EIF4G3: variants seen among roughly 807,000 people sequenced by gnomAD.
The protein encoded by EIF4G3 is eukaryotic translation initiation factor 4 gamma 3.
In EIF4G3, 34 loss-of-function variants were observed where a neutral mutation model predicts 186.4. The ratio of observed to expected loss-of-function variants is 0.18; its 90% CI spans 0.14 to 0.24. The LOEUF is 0.24. EIF4G3 is among the 10% of genes least tolerant of loss of function. The pLI is 1.00. For missense variants in EIF4G3, 1,536 were observed against 1,948.5 expected (o/e 0.79, Z 3.99); for synonymous variants, 673 against 679.5 (o/e 0.99, Z 0.15).
intron 5 of EIF4G3, among the ~76,000 whole-genome samples, chr1:21,002,072 A>T (rs2083660031): frequency 6.6e-6 from 1 of 152,232 alleles, no homozygotes; most frequent in African/African-American, 2.4e-5. Flanking sequence ...AGCTGAAGCC[A>T]CTGTATACTT....
At chr1:21,049,310 T>A (rs1263875405) in intron 4 of EIF4G3, among the ~76,000 whole-genome samples, 1 of 152,214 alleles carries the variant, frequency 6.6e-6, no homozygotes, top group South Asian at 2.1e-4. Context: ...TATCTGAGCC[T>A]CTACTCAGCC....
intron 18 of EIF4G3, among the ~76,000 whole-genome samples, chr1:20,890,022 G>A (rs1056216044): frequency 1.1e-4 from 16 of 151,896 alleles, no homozygotes; most frequent in Admixed American, 9.8e-4. Flanking sequence ...ACCCAGGCTG[G>A]AGTGCAGTGG....
intron 36 of EIF4G3, among the ~76,000 whole-genome samples, chr1:20,809,740 T>TG (rs1180638421): frequency 2.6e-5 from 4 of 152,170 alleles, no homozygotes; most frequent in Non-Finnish European, 5.9e-5. Flanking sequence ...ATGGAAGCTA[T>TG]TAGTCAAACA....
intron 12 of EIF4G3, among the ~76,000 whole-genome samples, chr1:20,963,621 A>G (rs538719236): frequency 6.8e-4 from 103 of 152,310 alleles, no homozygotes; most frequent in African/African-American, 2.3e-3. Flanking sequence ...GAAAAAGAGT[A>G]TATCAAGGAA....
chr1:21,058,870 A>T (rs1401468379), intron 3 of EIF4G3, among the ~76,000 whole-genome samples: 2 of 151,440 alleles, frequency 1.3e-5, no homozygotes, highest in Non-Finnish European at 2.9e-5. Context: ...CACCTGGCCA[A>T]ACTTTCTATA....
intron 6 of EIF4G3, chr1:20,999,232 A>G (rs1290143421): frequency 3.7e-6 from 1 of 270,176 alleles, no homozygotes; most frequent in African/African-American, 2.3e-5. Context: ...GCTAATCAAT[A>G]TAATATAGTT....
chr1:21,134,416 C>T lies in EIF4G3; in HGVS notation c.-272+41759G>A, dbSNP rs181581589. The stretch of plus-strand genomic sequence containing the variant: ...AGGTGTGGTGGCTCACACCTATAAT[C>T]CCAACACTTTGGAGGGCCAAGGCAG... On this transcript the variant is annotated intron_variant, in intron 2 of 36. Transcript: ENST00000602326. 4.0e-4 allele frequency among the ~76,000 whole-genome samples: 61 copies of T among 152,238 alleles called. 1 individual carries two copies. Among genetic ancestry groups the T allele is most frequent in the African/African-American group, 1.5e-3 (61 of 41,552 alleles).
chr1:21,118,595 A>C (rs1266736049), intron 2 of EIF4G3, among the ~76,000 whole-genome samples: 1 of 151,974 alleles, frequency 6.6e-6, no homozygotes, highest in Non-Finnish European at 1.5e-5. Flanking sequence ...AGACCAGCCT[A>C]GCCAACATGG....
At chr1:20,849,584 TAGTG>T in intron 28 of EIF4G3, 54 bp from the exon 29 acceptor site, 1 of 782,476 alleles carries the variant, frequency 1.3e-6, no homozygotes, top group African/African-American at 1.8e-5. Context: ...ACTATTAAAA[TAGTG>T]AGATTATGGT....
rs749232617 is a variant in EIF4G3, at chr1:20,950,131, A to G, written c.715-20T>C. ...CAGCTGCTGGGATTTGAAGTACAAA[A>G]AAGGGTGATAATGAGCGTGCGAACA... is the stretch of plus-strand genomic sequence containing the variant. On this transcript the variant is annotated intron_variant, in intron 12 of 36. Coordinates refer to ENST00000602326, the MANE Select transcript of EIF4G3 (RefSeq NM_001391906.1). 6.4e-7 allele frequency: 1 copy of G among 1,551,510 alleles called. No individual in the cohort carries two copies. Among genetic ancestry groups the G allele is most frequent in the Admixed American group, 2.1e-5 (1 of 47,446 alleles).
At chr1:20,828,220 C>A (rs1298619763) in intron 31 of EIF4G3, among the ~76,000 whole-genome samples, 2 of 151,888 alleles carry the variant, frequency 1.3e-5, no homozygotes, top group African/African-American at 4.8e-5. Context: ...TTAGTAGAGA[C>A]AGGGTTTCAC....
intron 19 of EIF4G3, among the ~76,000 whole-genome samples, chr1:20,885,092 C>T (rs2083681962): frequency 6.6e-6 from 1 of 152,188 alleles, no homozygotes; most frequent in Admixed American, 6.5e-5. Context: ...ACTGATCTGA[C>T]AGGAGGCGGA....
chr1:20,827,102 G>C (rs1244326674), intron 32 of EIF4G3, among the ~76,000 whole-genome samples: 2 of 152,148 alleles, frequency 1.3e-5, no homozygotes, highest in South Asian at 4.1e-4. Context: ...TCATTTCTGA[G>C]TTCTGTTTTG....
At chr1:21,115,969 T>C (rs1020013129) in intron 2 of EIF4G3, among the ~76,000 whole-genome samples, 28 of 152,034 alleles carry the variant, frequency 1.8e-4, no homozygotes, top group African/African-American at 6.3e-4. Flanking sequence ...ACCAATCCTC[T>C]TGCCTCAGCC....
chr1:21,116,564 G>A (rs1267539188), intron 2 of EIF4G3, among the ~76,000 whole-genome samples: 5 of 151,904 alleles, frequency 3.3e-5, no homozygotes, highest in African/African-American at 1.2e-4. Context: ...CAGGCCAGGC[G>A]CGGCGGCTCA....
intron 3 of EIF4G3, among the ~76,000 whole-genome samples, chr1:21,052,920 TC>T (rs2094324610): frequency 6.6e-6 from 1 of 152,196 alleles, no homozygotes; most frequent in African/African-American, 2.4e-5. Context: ...TGGCGTGATC[TC>T]GGCTCGCTAC....
intron 2 of EIF4G3, among the ~76,000 whole-genome samples, chr1:21,139,136 A>G (rs1052590426): frequency 1.3e-5 from 2 of 152,194 alleles, no homozygotes; most frequent in African/African-American, 4.8e-5. Context: ...CTTGGTTTGC[A>G]CTTTATCAGG....
At chr1:20,833,572 C>T (rs2065903568) in intron 30 of EIF4G3, among the ~76,000 whole-genome samples, 1 of 152,088 alleles carries the variant, frequency 6.6e-6, no homozygotes, top group South Asian at 2.1e-4. Context: ...ATTTAACTTC[C>T]CTTTTCCTAA....
At chr1:21,032,895 T>C (rs2092862365) in intron 4 of EIF4G3, among the ~76,000 whole-genome samples, 1 of 152,196 alleles carries the variant, frequency 6.6e-6, no homozygotes, top group African/African-American at 2.4e-5. Flanking sequence ...ATGAATTCTT[T>C]TCCTTATGAA....
Sources: allele counts gnomAD v4.1 joint callset (sites outside exome capture counted in the v4.1 genomes callset), GRCh38; gene constraint gnomAD v4.1.1; transcripts MANE v1.5; gene names NCBI Gene and HGNC (gene_info 2026-07-23, HGNC 2026-07-21).